The following USP12 variants were observed in gnomAD, a reference collection of about 807,000 sequenced individuals.
USP12 encodes ubiquitin specific peptidase 12, also known as ubiquitin carboxyl-terminal hydrolase 12.
In USP12, 19 loss-of-function variants were observed where a neutral mutation model predicts 45.5. That is an observed-to-expected ratio of 0.42 (90% CI 0.29 to 0.61). USP12 has a LOEUF of 0.61. Ranked by LOEUF, USP12 falls within the 20% of genes least tolerant of loss-of-function variation. The pLI is 0.22. For missense variants in USP12, 242 were observed against 447.7 expected, an observed-to-expected ratio of 0.54 and a Z score of 4.15; for synonymous variants, 149 against 148.8, an observed-to-expected ratio of 1.00 and a Z score of -0.01.
chr13:27,130,284 C>T (rs1371062866), intron 1 of USP12, among the ~76,000 whole-genome samples: 1 of 151,832 alleles, frequency 6.6e-6, no homozygotes, highest in Non-Finnish European at 1.5e-5. Context: ...TGTTTTTTTC[C>T]CTTTATTGAG....
chr13:27,101,228 T>C (rs934054732), intron 3 of USP12, among the ~76,000 whole-genome samples: 1 of 152,232 alleles, frequency 6.6e-6, no homozygotes, highest in African/African-American at 2.4e-5. Context: ...AGAATTTTGC[T>C]GTATGTGAAA....
intron 6 of USP12, among the ~76,000 whole-genome samples, chr13:27,087,852 A>G (rs1010301252): frequency 1.3e-5 from 2 of 152,350 alleles, no homozygotes; most frequent in African/African-American, 4.8e-5. Context: ...TAAGAATGCT[A>G]ATGGATAACA....
At chr13:27,073,159 G>C (rs1233939374) in intron 7 of USP12, among the ~76,000 whole-genome samples, 4 of 151,884 alleles carry the variant, frequency 2.6e-5, no homozygotes, top group Non-Finnish European at 5.9e-5. Context: ...CAGAGCGGAG[G>C]GGCAGGAAGG....
At chr13:27,108,453 C>A (rs1875259535) in intron 2 of USP12, among the ~76,000 whole-genome samples, 1 of 151,026 alleles carries the variant, frequency 6.6e-6, no homozygotes, top group African/African-American at 2.4e-5. Flanking sequence ...TTAATGGGTG[C>A]AGCACACCAG....
chr13:27,080,964 G>C (rs902183032), intron 6 of USP12, among the ~76,000 whole-genome samples: 4 of 151,410 alleles, frequency 2.6e-5, no homozygotes, highest in Non-Finnish European at 5.9e-5. Flanking sequence ...GATGACTGCT[G>C]ACTGATCAGG....
intron 6 of USP12, among the ~76,000 whole-genome samples, chr13:27,084,926 G>A (rs969169589): frequency 3.3e-5 from 5 of 152,138 alleles, no homozygotes; most frequent in Admixed American, 1.3e-4. Flanking sequence ...TGCAGAAAAT[G>A]CCATAGGAAT....
chr13:27,069,087 T>G lies in USP12; in HGVS notation c.*196A>C. ...GTATGGAACTGTACAGACAGCATGA[T>G]ACCTGAGCAAATAAATCAACTACCA... On this transcript the variant is annotated 3_prime_UTR_variant, in exon 9 of 9. Coordinates refer to ENST00000282344, the MANE Select transcript of USP12 (RefSeq NM_182488.4). The G allele has an allele frequency of 1.6e-6, 1 of 610,174 alleles. No homozygotes were observed. The highest frequency in any genetic ancestry group is 2.9e-6 in the Non-Finnish European group (1 of 344,754). The allele number at this position is 610,174 out of a possible 1,614,324, so 37.8% of individuals were successfully genotyped here.
intron 6 of USP12, among the ~76,000 whole-genome samples, chr13:27,085,785 T>A (rs1398452418): frequency 6.6e-6 from 1 of 152,074 alleles, no homozygotes; most frequent in Non-Finnish European, 1.5e-5. Context: ...GTTCATCAAA[T>A]CACTGTTTAT....
intron 7 of USP12, among the ~76,000 whole-genome samples, chr13:27,073,347 T>A (rs941087432): frequency 2.0e-5 from 3 of 152,114 alleles, no homozygotes; most frequent in Non-Finnish European, 4.4e-5. Context: ...ATTCTGACAG[T>A]AGGGATTCAG....
At chr13:27,157,523 A>G (rs959477625) in intron 1 of USP12, among the ~76,000 whole-genome samples, 5 of 152,116 alleles carry the variant, frequency 3.3e-5, no homozygotes, top group Non-Finnish European at 7.4e-5. Context: ...CAACATATAC[A>G]TGCCTTTTTT....
At chr13:27,162,269 T>C (rs757555115) in intron 1 of USP12, among the ~76,000 whole-genome samples, 1 of 152,174 alleles carries the variant, frequency 6.6e-6, no homozygotes, top group Non-Finnish European at 1.5e-5. Flanking sequence ...TGAAAATAAT[T>C]AGTGAGGACT....
At chr13:27,155,330 C>T (rs1877786052) in intron 1 of USP12, among the ~76,000 whole-genome samples, 1 of 151,980 alleles carries the variant, frequency 6.6e-6, no homozygotes, top group African/African-American at 2.4e-5. Context: ...ATCTGCCCGC[C>T]TTGGCCTCCC....
intron 6 of USP12, among the ~76,000 whole-genome samples, chr13:27,078,489 A>G (rs943975189): frequency 6.6e-6 from 1 of 152,030 alleles, no homozygotes; most frequent in African/African-American, 2.4e-5. Flanking sequence ...TCCATGTTGT[A>G]TTCTAACATA....
At chr13:27,119,394 C>T (rs989088763) in intron 1 of USP12, among the ~76,000 whole-genome samples, 1 of 152,230 alleles carries the variant, frequency 6.6e-6, no homozygotes, top group East Asian at 1.9e-4. Flanking sequence ...GGACAGCAGG[C>T]CAAGAGGAGT....
intron 1 of USP12, among the ~76,000 whole-genome samples, chr13:27,163,314 G>T (rs1381492730): frequency 2.6e-5 from 4 of 151,992 alleles, no homozygotes; most frequent in African/African-American, 9.7e-5. Context: ...CTGTTCACAA[G>T]ACCCGCTTTC....
intron 1 of USP12, among the ~76,000 whole-genome samples, chr13:27,156,369 A>G (rs897533908): frequency 1.3e-5 from 2 of 152,234 alleles, no homozygotes; most frequent in Non-Finnish European, 2.9e-5. Context: ...TGACAATCTG[A>G]TTTCCTCAAA....
chr13:27,087,138 T>TGAGA (rs1874088995), intron 6 of USP12, among the ~76,000 whole-genome samples: 1 of 151,306 alleles, frequency 6.6e-6, no homozygotes, highest in South Asian at 2.1e-4. Context: ...TGTGAGAGTG[T>TGAGA]GTGTGTGTTT....
intron 1 of USP12, among the ~76,000 whole-genome samples, chr13:27,120,351 G>A (rs1875926953): frequency 6.6e-6 from 1 of 152,148 alleles, no homozygotes; most frequent in African/African-American, 2.4e-5. Flanking sequence ...AGGCGTGATG[G>A]TGAGTTAAGT....
At chr13:27,101,418 T>C (rs556865051) in intron 3 of USP12, among the ~76,000 whole-genome samples, 6 of 152,232 alleles carry the variant, frequency 3.9e-5, no homozygotes, top group Non-Finnish European at 4.4e-5. Context: ...GACTTCAAAC[T>C]TGCTTTGGAA....
Sources: gnomAD v4.1 joint callset for allele counts (sites outside exome capture counted in the v4.1 genomes callset) on GRCh38, gnomAD v4.1.1 for gene constraint, MANE v1.5 for transcripts, NCBI Gene and HGNC (gene_info 2026-07-23, HGNC 2026-07-21) for gene names.